Variants in CEP41 observed in about 807,000 individuals in gnomAD.
The protein encoded by CEP41 is centrosomal protein of 41 kDa.
Under a neutral mutation model 44.3 loss-of-function variants are expected in CEP41, and 32 were observed. The observed-to-expected ratio is 0.72, with a 90% confidence interval of 0.54 to 0.97. The LOEUF (loss-of-function observed/expected upper bound fraction) is 0.97. CEP41 is among the 50% of genes least tolerant of loss of function. The pLI is 0.00. For missense variants in CEP41, 432 were observed against 455.2 expected (o/e 0.95, Z 0.46); for synonymous variants, 151 against 168.5 (o/e 0.90, Z 0.80).
Position 130,400,083 on chromosome 7 carries a change from A to T in CEP41, c.929T>A (p.Ile310Lys), listed in dbSNP as rs782435349. 12 of 1,612,962 alleles carry T rather than the reference A, an allele frequency of 7.4e-6. No individual in the cohort carries two copies. The highest frequency in any genetic ancestry group is 1.7e-5 in the Admixed American group (1 of 60,002). ...TTGCTCCTCTTCCAGATAATATTCT[A>T]TCTTTTTTAAGTCTTCTGGGGTAAA... The part of the protein sequence containing the change: ...WRFTPEDLKK[I>K]EYYLEEEQGP... Residue 310 changes from isoleucine to lysine, a missense_variant, in exon 10 of 11, where the codon ATA (isoleucine) becomes AAA (lysine). Ile to Lys is a moderately radical substitution (Grantham distance 102). Transcript: ENST00000223208.
intron 1 of CEP41, among the ~76,000 whole-genome samples, chr7:130,435,259 A>G (rs1217496097): frequency 6.6e-6 from 1 of 152,188 alleles, no homozygotes; most frequent in Admixed American, 6.5e-5. Context: ...TTATTCATTA[A>G]AAGTATAGAA....
At chr7:130,438,080 C>T (rs1798029762) in intron 1 of CEP41, among the ~76,000 whole-genome samples, 3 of 152,276 alleles carry the variant, frequency 2.0e-5, no homozygotes, top group South Asian at 4.1e-4. Context: ...TCCTCCTTTT[C>T]GTTCTCCCAT....
chr7:130,418,014 A>G (rs1415347283), intron 2 of CEP41, among the ~76,000 whole-genome samples: 1 of 152,252 alleles, frequency 6.6e-6, no homozygotes, highest in Admixed American at 6.5e-5. Context: ...ACATTTTCAA[A>G]AAAACAACTT....
At chr7:130,425,765 G>C (rs1797643058) in intron 2 of CEP41, among the ~76,000 whole-genome samples, 1 of 152,202 alleles carries the variant, frequency 6.6e-6, no homozygotes, top group Non-Finnish European at 1.5e-5. Flanking sequence ...TCCTTCAACA[G>C]GTGAATGGTT....
chr7:130,420,762 A>C, intron 2 of CEP41: 4 of 450,140 alleles, frequency 8.9e-6, no homozygotes, highest in Non-Finnish European at 1.2e-5. Context: ...ACAGAGCGAG[A>C]CTTCATCTCA....
At chr7:130,427,872 T>G (rs1297454811) in intron 2 of CEP41, 83 bp downstream of exon 2, 1 of 886,552 alleles carries the variant, frequency 1.1e-6, no homozygotes, top group Non-Finnish European at 1.9e-6. Flanking sequence ...TAGCTGTGAT[T>G]TATACCAGAT....
intron 1 of CEP41, 94 bp from the exon 2 acceptor site, chr7:130,428,112 G>A (rs2117674820): frequency 1.1e-6 from 1 of 885,554 alleles, no homozygotes; most frequent in African/African-American, 1.6e-5. Flanking sequence ...TGGAAAAAAA[G>A]TGCTAAAATT....
intron 1 of CEP41, among the ~76,000 whole-genome samples, chr7:130,439,906 C>A (rs1475377882): frequency 2.0e-5 from 3 of 152,102 alleles, no homozygotes; most frequent in Non-Finnish European, 2.9e-5. Flanking sequence ...CTCCACAACC[C>A]TTCTCTCACT....
At chr7:130,411,754 G>A (rs967624254) in intron 4 of CEP41, among the ~76,000 whole-genome samples, 13 of 152,116 alleles carry the variant, frequency 8.5e-5, no homozygotes, top group Non-Finnish European at 1.6e-4. Flanking sequence ...AATAAAAGAA[G>A]AAAGTGACTT....
In CEP41 at chr7:130,398,986, G is replaced by C; in HGVS notation, c.1027C>G (p.Arg343Gly). The C allele has an allele frequency of 6.2e-7, 1 of 1,614,180 alleles. No homozygotes were observed. The highest frequency in any genetic ancestry group is 8.5e-7 in the Non-Finnish European group (1 of 1,180,034). ...CCACCTGGCAGATTCTGAGCGCTTC[G>C]GGCACCAGGCACCTTGGACTCTCTT... ...SGRESKVPGA[R>G]SAQNLPGGGP... Residue 343 changes from arginine (R) to glycine (G), a missense_variant, in exon 11 of 11, where the codon CGA becomes GGA. Coordinates refer to ENST00000223208, the MANE Select transcript of CEP41 (RefSeq NM_018718.3).
In CEP41 at chr7:130,404,580, G is replaced by A. The variant is rs200669032; in HGVS notation, c.406C>T (p.Arg136Cys). 1.1e-5 allele frequency: 18 copies of A among 1,613,630 alleles called. No individual in the cohort carries two copies. Among genetic ancestry groups the A allele is most frequent in the African/African-American group, 4.0e-5 (3 of 74,898 alleles). ...TTCGAGTACCTCTGAAGAGTTGAGCGGCTGGAGTCCCCTGCTCCTGCGTTG... is the reference window on the plus strand; with the variant it reads ...TTCGAGTACCTCTGAAGAGTTGAGCAGCTGGAGTCCCCTGCTCCTGCGTTG... ...INNAGAGDSSRSTLQSVISGV... is the reference protein window; with the variant it reads ...INNAGAGDSSCSTLQSVISGV... Residue 136 changes from arginine (R) to cysteine (C), a missense_variant, in exon 6 of 11, where the codon CGC (arginine) becomes TGC (cysteine). By Grantham distance (180) the Arg-to-Cys change is radical. Coordinates refer to ENST00000223208, the MANE Select transcript of CEP41 (RefSeq NM_018718.3).
At position 130,401,958 on chromosome 7, in the gene CEP41, G is replaced by A; in HGVS notation, c.575-10C>T. The A allele has an allele frequency of 3.1e-6, 5 of 1,600,040 alleles. No individual in the cohort carries two copies. The highest frequency in any genetic ancestry group is 3.4e-6 in the Non-Finnish European group (4 of 1,167,344). On this transcript the variant is annotated splice_polypyrimidine_tract_variant and intron_variant, in intron 7 of 10. Coordinates refer to ENST00000223208, the MANE Select transcript of CEP41 (RefSeq NM_018718.3). The stretch of plus-strand genomic sequence containing the variant: ...ATTGGGTAACTGTAAGCTGCAAAGA[G>A]AAGAAAAAGTTTAGGAAGTCTGTTG...
rs1228354526 is a variant in CEP41, at chr7:130,417,031, A to G, written c.98-65T>C. The G allele has an allele frequency of 3.1e-5, 43 of 1,400,218 alleles. 1 individual carries two copies. The East Asian group carries it at 9.6e-4, about 31-fold the overall frequency. 86.7% of individuals were successfully genotyped at this position (1,400,218 alleles called of 1,614,324 possible). A position where few individuals can be genotyped will look rare whatever the true frequency, so the allele number is the denominator to read the frequency against. ...GAAGCAAATGAGTAACACTGTGGAA[A>G]CAGAATGGAGGAAAAGTATCCCCTA... On this transcript the variant is annotated intron_variant, in intron 2 of 10. Transcript: ENST00000223208.
At chr7:130,410,851 T>C in intron 5 of CEP41, 1 of 511,868 alleles carries the variant, frequency 2.0e-6, no homozygotes, top group Admixed American at 3.2e-5. Flanking sequence ...CAAAGAATGC[T>C]AAAAATATTT....
Position 130,427,980 on chromosome 7 carries a change from C to T in CEP41, c.72G>A (p.Gln24=), listed in dbSNP as rs1554424113. Residue 24 remains glutamine (Q), a synonymous_variant, in exon 2 of 11, where the codon CAG becomes CAA. Transcript: ENST00000223208. ...MKRIPQNPRY[Q]HIKSRLDTGN... ...CAGTGTCCAGTCTTGATTTGATATGCTGGTATCTTGGGTTCTGTGGTATCC... is the reference window on the plus strand; with the variant it reads ...CAGTGTCCAGTCTTGATTTGATATGTTGGTATCTTGGGTTCTGTGGTATCC... The T allele has an allele frequency of 6.2e-7, 1 of 1,607,450 alleles. No individual in the cohort carries two copies. The highest frequency in any genetic ancestry group is 1.7e-5 in the Admixed American group (1 of 59,984).
chr7:130,393,858 G>C lies in CEP41; in HGVS notation c.*5033C>G. 2.2e-6 allele frequency: 1 copy of C among 454,076 alleles called. No individual in the cohort carries two copies. The highest frequency in any genetic ancestry group is 4.4e-6 in the Non-Finnish European group (1 of 226,786). The allele number at this position is 454,076 out of a possible 1,614,324, so 28.1% of individuals were successfully genotyped here. A position where few individuals can be genotyped will look rare whatever the true frequency, so the allele number is the denominator to read the frequency against. ...CCCCCTACAATATAATTAAAAGTTT[G>C]TAATTCTCATTCCTTAAGTGGTACT... On this transcript the variant is annotated 3_prime_UTR_variant, in exon 11 of 11. Transcript: ENST00000223208.
rs1235662068 is a variant in CEP41, at chr7:130,404,775, C to A, written c.278-67G>T. The A allele has an allele frequency of 9.1e-6, 11 of 1,212,360 alleles. No homozygotes were observed. The African/African-American group carries it at 1.6e-4, about 18-fold the overall frequency. The allele number at this position is 1,212,360 out of a possible 1,614,324, so 75.1% of individuals were successfully genotyped here. On this transcript the variant is annotated intron_variant, in intron 5 of 10. Transcript: ENST00000223208. Reference sequence around the variant, plus strand: ...GATTTGTATTTACTTATTAGTTCCACTGACATTAAGTCAAGAAAAGGAAAT... The same window carrying A: ...GATTTGTATTTACTTATTAGTTCCAATGACATTAAGTCAAGAAAAGGAAAT...
chr7:130,401,986 C>T, intron 7 of CEP41, 38 bp from the exon 8 acceptor site: 1 of 1,425,658 alleles, frequency 7.0e-7, no homozygotes, highest in Non-Finnish European at 9.9e-7. Flanking sequence ...GTCTGTTGTT[C>T]TCTTAATACA....
chr7:130,428,233 G>A (rs532725904), intron 1 of CEP41, among the ~76,000 whole-genome samples: 16 of 152,026 alleles, frequency 1.1e-4, no homozygotes, highest in African/African-American at 3.1e-4. Flanking sequence ...AGGTCAGCCT[G>A]ACCAACATGG....
Sources: gnomAD v4.1 joint callset for allele counts (sites outside exome capture counted in the v4.1 genomes callset) on GRCh38, gnomAD v4.1.1 for gene constraint, MANE v1.5 for transcripts, NCBI Gene and HGNC (gene_info 2026-07-23, HGNC 2026-07-21) for gene names.